Variants in FGF12 observed in about 807,000 individuals in gnomAD.
FGF12 encodes the protein fibroblast growth factor 12, also known as fibroblast growth factor 12B.
In FGF12, 14 loss-of-function variants were observed where a neutral mutation model predicts 23.6. The ratio of observed to expected loss-of-function variants is 0.59; its 90% CI spans 0.39 to 0.93. The LOEUF (loss-of-function observed/expected upper bound fraction) is 0.93. Ranked by LOEUF, FGF12 falls within the 40% of genes least tolerant of loss-of-function variation. FGF12 has a pLI of 0.00. For missense variants in FGF12, 175 were observed against 217.8 expected (o/e 0.80, Z 1.24); for synonymous variants, 62 against 77.3 (o/e 0.80, Z 1.04).
chr3:192,341,363 G>T (rs574301945), intron 3 of FGF12, among the ~76,000 whole-genome samples: 2 of 152,168 alleles, frequency 1.3e-5, no homozygotes, highest in Non-Finnish European at 2.9e-5. Flanking sequence ...TAATAAAATT[G>T]TTGTCATATG....
chr3:192,234,786 C>T (rs968446138), intron 4 of FGF12, among the ~76,000 whole-genome samples: 1 of 152,134 alleles, frequency 6.6e-6, no homozygotes, highest in African/African-American at 2.4e-5. Flanking sequence ...TTTTCTGTGT[C>T]TATTGAGATG....
rs541052547 is a variant in FGF12 at position 192,591,449 on chromosome 3, A to G, written c.13+135732T>C. Among the ~76,000 whole-genome samples the G allele has an allele frequency of 3.9e-5, 6 of 151,908 alleles. No homozygotes were observed. In the South Asian group the frequency reaches 1.1e-3, roughly 27 times the overall value. On this transcript the variant is annotated intron_variant, in intron 2 of 5. Coordinates refer to ENST00000445105, the MANE Select transcript of FGF12 (RefSeq NM_004113.6). ...AGGTGCTTATTGTTTTTCCTAAAGG[A>G]CTAAACCAGAAAGTAGCTAAGTGGT...
chr3:192,213,542 G>A (rs1718042222), intron 4 of FGF12, among the ~76,000 whole-genome samples: 2 of 152,166 alleles, frequency 1.3e-5, no homozygotes, highest in Admixed American at 6.5e-5. Context: ...TGATGATACA[G>A]TTTTCAAATA....
chr3:192,688,255 C>T (rs1225599336), intron 2 of FGF12, among the ~76,000 whole-genome samples: 1 of 152,028 alleles, frequency 6.6e-6, no homozygotes, highest in East Asian at 1.9e-4. Context: ...GACACCACAT[C>T]CACCCCTTGA....
intron 2 of FGF12, among the ~76,000 whole-genome samples, chr3:192,651,240 C>A (rs1716204421): frequency 6.6e-6 from 1 of 152,140 alleles, no homozygotes; most frequent in African/African-American, 2.4e-5. Context: ...TTTGTTGAAG[C>A]CTTCAGAGTG....
At chr3:192,672,267 C>A (rs1266372966) in intron 2 of FGF12, among the ~76,000 whole-genome samples, 3 of 151,250 alleles carry the variant, frequency 2.0e-5, no homozygotes, top group Admixed American at 6.6e-5. Context: ...GCTTTGAGGG[C>A]AACTCTGGAT....
intron 4 of FGF12, among the ~76,000 whole-genome samples, chr3:192,308,159 G>A (rs1715748259): frequency 6.6e-6 from 1 of 152,072 alleles, no homozygotes; most frequent in South Asian, 2.1e-4. Flanking sequence ...TTTTAAGAAT[G>A]AAAACCACTC....
chr3:192,307,636 G>A (rs1439359659), intron 4 of FGF12, among the ~76,000 whole-genome samples: 1 of 152,324 alleles, frequency 6.6e-6, no homozygotes, highest in Admixed American at 6.5e-5. Flanking sequence ...GGGAAGCACT[G>A]AGGTTGGGCT....
intron 2 of FGF12, among the ~76,000 whole-genome samples, chr3:192,690,507 A>G (rs1297379783): frequency 6.6e-6 from 1 of 151,676 alleles, no homozygotes; most frequent in African/African-American, 2.4e-5. Context: ...AATGTTTTAC[A>G]TAAGCTTCAT....
intron 4 of FGF12, among the ~76,000 whole-genome samples, chr3:192,224,755 G>A (rs1414768091): frequency 6.6e-6 from 1 of 152,064 alleles, no homozygotes; most frequent in Non-Finnish European, 1.5e-5. Flanking sequence ...CTGGCATGAT[G>A]TCAATAAAAC....
intron 2 of FGF12, among the ~76,000 whole-genome samples, chr3:192,470,826 T>C (rs192821067): frequency 1.1e-4 from 17 of 152,296 alleles, no homozygotes; most frequent in Non-Finnish European, 2.1e-4. Context: ...ACTGTAGCCC[T>C]TTCTCCATCT....
chr3:192,601,583 G>GA (rs911703076), intron 2 of FGF12, among the ~76,000 whole-genome samples: 65 of 151,006 alleles, frequency 4.3e-4, no homozygotes, highest in Middle Eastern at 3.4e-3. Context: ...GCTTAGAAAA[G>GA]AAAAAAAAAG....
intron 2 of FGF12, among the ~76,000 whole-genome samples, chr3:192,396,180 A>C (rs919335479): frequency 1.3e-5 from 2 of 152,364 alleles, no homozygotes; most frequent in East Asian, 1.9e-4. Flanking sequence ...GAAACAGTCC[A>C]AAATAATACA....
chr3:192,588,364 AAAAG>A (rs1560160906), intron 2 of FGF12, among the ~76,000 whole-genome samples: 2 of 145,956 alleles, frequency 1.4e-5, no homozygotes, highest in Non-Finnish European at 3.0e-5. Context: ...AAAAAAAAAA[AAAAG>A]AAAAAAAGAA....
chr3:192,726,470 A>T (rs1432308202), intron 2 of FGF12, among the ~76,000 whole-genome samples: 1 of 152,224 alleles, frequency 6.6e-6, no homozygotes, highest in Non-Finnish European at 1.5e-5. Flanking sequence ...TGTGTTCAAT[A>T]TGCCATTCAG....
At chr3:192,557,159 C>T (rs1406069484) in intron 2 of FGF12, among the ~76,000 whole-genome samples, 3 of 151,046 alleles carry the variant, frequency 2.0e-5, no homozygotes, top group Non-Finnish European at 4.4e-5. Flanking sequence ...AAAAGAAGAA[C>T]AAATTAAGCC....
At chr3:192,509,184 T>C (rs919466353) in intron 2 of FGF12, among the ~76,000 whole-genome samples, 4 of 152,168 alleles carry the variant, frequency 2.6e-5, no homozygotes, top group Admixed American at 2.0e-4. Context: ...GGAAGGTTAA[T>C]TGGCATGGTG....
chr3:192,660,166 A>G (rs1716598676), intron 2 of FGF12, among the ~76,000 whole-genome samples: 1 of 151,152 alleles, frequency 6.6e-6, no homozygotes, highest in Non-Finnish European at 1.5e-5. Flanking sequence ...TACACCATGG[A>G]ATACTATGCA....
chr3:192,164,403 C>T (rs1250347374), intron 5 of FGF12, among the ~76,000 whole-genome samples: 1 of 152,130 alleles, frequency 6.6e-6, no homozygotes, highest in African/African-American at 2.4e-5. Context: ...CCTGAAACCC[C>T]TCATCAACGC....
Sources: allele counts gnomAD v4.1 joint callset (sites outside exome capture counted in the v4.1 genomes callset), GRCh38; gene constraint gnomAD v4.1.1; transcripts MANE v1.5; gene names NCBI Gene and HGNC (gene_info 2026-07-23, HGNC 2026-07-21).